SMC5: variants seen among roughly 807,000 people sequenced by gnomAD.
The protein encoded by SMC5 is structural maintenance of chromosomes 5, also known as structural maintenance of chromosomes protein 5.
In SMC5, 88 loss-of-function variants were observed where a neutral mutation model predicts 148.3. That is an observed-to-expected ratio of 0.59 (90% confidence interval 0.50 to 0.71). SMC5 has a LOEUF of 0.71. SMC5 is among the 30% of genes least tolerant of loss of function. SMC5 has a pLI of 0.00. For missense variants in SMC5, 1,142 were observed against 1,298.9 expected, an observed-to-expected ratio of 0.88 and a Z score of 1.86; for synonymous variants, 421 against 432.8, an observed-to-expected ratio of 0.97 and a Z score of 0.34.
chr9:70,330,674 C>T (rs2036196193), intron 17 of SMC5, among the ~76,000 whole-genome samples: 1 of 151,366 alleles, frequency 6.6e-6, no homozygotes, highest in Non-Finnish European at 1.5e-5. Flanking sequence ...TCCCAAGTAG[C>T]TGGGACTAGC....
chr9:70,277,020 A>T (rs2034612183), intron 3 of SMC5, among the ~76,000 whole-genome samples: 1 of 152,202 alleles, frequency 6.6e-6, no homozygotes, highest in South Asian at 2.1e-4. Flanking sequence ...AAACAACTCC[A>T]GCTATGTGAC....
At chr9:70,340,846 G>T (rs577175552) in intron 17 of SMC5, among the ~76,000 whole-genome samples, 1 of 152,068 alleles carries the variant, frequency 6.6e-6, no homozygotes, top group South Asian at 2.1e-4. Context: ...CATGAGAAGT[G>T]AACTTTCCAT....
chr9:70,318,783 A>C lies in SMC5; in HGVS notation c.1981-11A>C, dbSNP rs780721501. ...TTTTAAATATGTTAACAATTTTTAA[A>C]TATTTTATAGGAAATTCATAGAAAA... On this transcript the variant is annotated splice_polypyrimidine_tract_variant and intron_variant, in intron 14 of 24. Transcript: ENST00000361138. 6.4e-7 allele frequency: 1 copy of C among 1,552,096 alleles called. No individual in the cohort carries two copies. Among genetic ancestry groups the C allele is most frequent in the South Asian group, 1.2e-5 (1 of 80,638 alleles).
chr9:70,308,785 A>G (rs929531839), intron 11 of SMC5, among the ~76,000 whole-genome samples: 4 of 151,870 alleles, frequency 2.6e-5, no homozygotes, highest in African/African-American at 9.7e-5. Context: ...TCATAAATGG[A>G]TTTCTAAAAT....
In SMC5 at chr9:70,347,092, G is replaced by A; in HGVS notation, c.2595G>A (p.Leu865=). ...TTTTCCAAGACCTTCCAAACACATT[G>A]GATGAAATTGATGCTTTATTAACTG... ...PMVFQDLPNT[L]DEIDALLTEE... is the part of the protein sequence containing the mutation. The change falls in exon 20 of 25, where the codon TTG becomes TTA. Residue 865 remains leucine, a synonymous_variant. Coordinates refer to ENST00000361138, the MANE Select transcript of SMC5 (RefSeq NM_015110.4). 2 of 1,613,766 alleles carry A rather than the reference G, an allele frequency of 1.2e-6. No individual in the cohort carries two copies. The highest frequency in any genetic ancestry group is 2.2e-5 in the South Asian group (2 of 91,054).
chr9:70,347,227 A>G, intron 20 of SMC5, 66 bp downstream of exon 20: 1 of 1,297,622 alleles, frequency 7.7e-7, no homozygotes, highest in East Asian at 2.3e-5. Flanking sequence ...ATACACACAC[A>G]TACACACACA....
rs181336578 is a variant in SMC5 at position 70,327,541 on chromosome 9, G to A, written c.2397+3398G>A. Among the ~76,000 whole-genome samples the A allele has an allele frequency of 1.1e-4, 17 of 151,576 alleles. No individual in the cohort carries two copies. In the East Asian group the frequency reaches 2.9e-3, roughly 26 times the overall value. On this transcript the variant is annotated intron_variant, in intron 17 of 24. Transcript: ENST00000361138. ...ATGCTGAAATAAAATAATATTGGTC[G>A]CTTTGGAGGATACTGGGGAACTGGC...
Position 70,350,400 on chromosome 9 carries a change from A to G in SMC5, c.3094A>G (p.Arg1032Gly). 1 of 1,609,210 alleles carries G rather than the reference A, an allele frequency of 6.2e-7. No individual in the cohort carries two copies. Among genetic ancestry groups the G allele is most frequent in the Non-Finnish European group, 8.5e-7 (1 of 1,178,602 alleles). ...GGGAATGGACCCAATCAATGAACGG[A>G]GAGTGTTTGAAATGGTTGTAAATAC... ...NQGMDPINER[R>G]VFEMVVNTAC... is the part of the protein sequence containing the mutation. The change falls in exon 24 of 25, where the codon AGA becomes GGA. Residue 1032 changes from arginine (R) to glycine (G), a missense_variant. This residue lies in a region of SMC5 where 30 missense variants were observed against 65.3 expected (regional missense o/e 0.46). Coordinates refer to ENST00000361138, the MANE Select transcript of SMC5 (RefSeq NM_015110.4).
rs140740261 is a variant in SMC5 at position 70,288,983 on chromosome 9, T to C, written c.1053+2712T>C. Among the ~76,000 whole-genome samples the C allele has an allele frequency of 5.3e-3, 802 of 152,316 alleles. 9 individuals are homozygous for C. The highest frequency in any genetic ancestry group is 0.019 in the African/African-American group (776 of 41,572). On this transcript the variant is annotated intron_variant, in intron 8 of 24. Coordinates refer to ENST00000361138, the MANE Select transcript of SMC5 (RefSeq NM_015110.4). ...CGTTAGAATAGGCTTACTATAATTA[T>C]GTATACTCGTATGTTCTACTTTTTT...
intron 17 of SMC5, among the ~76,000 whole-genome samples, chr9:70,342,138 G>A (rs890059350): frequency 1.3e-5 from 2 of 150,632 alleles, no homozygotes; most frequent in African/African-American, 2.4e-5. Flanking sequence ...CTATCACAAG[G>A]ACAAAAAACC....
chr9:70,349,131 A>G (rs147378265), intron 22 of SMC5, among the ~76,000 whole-genome samples: 285 of 152,348 alleles, frequency 1.9e-3, no homozygotes, highest in African/African-American at 6.6e-3. Context: ...CAGTGGCGCA[A>G]TCTTGGCTCA....
At chr9:70,335,753 A>G (rs1023754948) in intron 17 of SMC5, among the ~76,000 whole-genome samples, 3 of 152,204 alleles carry the variant, frequency 2.0e-5, no homozygotes, top group African/African-American at 7.2e-5. Context: ...GTCAGAATTC[A>G]TCAAGTTGTC....
In SMC5 at chr9:70,280,833, G is replaced by T; in HGVS notation, c.753G>T (p.Glu251Asp). Residue 251 changes from glutamate to aspartate, a missense_variant, in exon 6 of 25, where the codon GAG (glutamate) becomes GAT (aspartate). Around this residue, in one of 5 missense-constraint regions of SMC5, gnomAD observed 297 missense variants for 302.6 expected, o/e 0.98. Coordinates refer to ENST00000361138, the MANE Select transcript of SMC5 (RefSeq NM_015110.4). ...QRNERYKQDV[E>D]RFYERKRHLD... is the part of the protein sequence containing the mutation. ...ATGAAAGATATAAACAAGATGTGGA[G>T]AGGTTCTATGAACGGAAGCGACATT... 1 of 1,613,972 alleles carries T rather than the reference G, an allele frequency of 6.2e-7. No homozygotes were observed. The highest frequency in any genetic ancestry group is 8.5e-7 in the Non-Finnish European group (1 of 1,179,946).
intron 11 of SMC5, among the ~76,000 whole-genome samples, chr9:70,305,696 T>C (rs547035386): frequency 6.6e-6 from 1 of 152,334 alleles, no homozygotes; most frequent in Admixed American, 6.5e-5. Context: ...GAAAATGTAT[T>C]GGAATGAACT....
intron 1 of SMC5, among the ~76,000 whole-genome samples, chr9:70,262,703 A>G (rs2034172597): frequency 6.6e-6 from 1 of 152,196 alleles, no homozygotes; most frequent in Non-Finnish European, 1.5e-5. Flanking sequence ...CAGCATGTAG[A>G]TAGTATGCAA....
At chr9:70,259,610 C>T (rs943007772) in intron 1 of SMC5, among the ~76,000 whole-genome samples, 2 of 152,098 alleles carry the variant, frequency 1.3e-5, no homozygotes, top group Admixed American at 6.5e-5. Flanking sequence ...AAGTATTGTC[C>T]CCGGGAACTT....
At chr9:70,325,263 A>G (rs954134535) in intron 17 of SMC5, among the ~76,000 whole-genome samples, 2 of 152,322 alleles carry the variant, frequency 1.3e-5, no homozygotes, top group Admixed American at 6.5e-5. Flanking sequence ...CTATTGCTCA[A>G]TTCCAAGAAC....
chr9:70,282,522 C>G lies in SMC5; in HGVS notation c.920C>G (p.Thr307Arg), dbSNP rs780998162. ...CTTAAAGAAGGGCAGATTCCTGTAA[C>G]ATGTCGAATTGAAGAAATGGAAAAC... ...RKLKEGQIPV[T>R]CRIEEMENER... Residue 307 changes from threonine to arginine, a missense_variant, in exon 7 of 25, where the codon ACA becomes AGA. Transcript: ENST00000361138. 1.9e-6 allele frequency: 3 copies of G among 1,599,988 alleles called. No homozygotes were observed. The highest frequency in any genetic ancestry group is 2.6e-6 in the Non-Finnish European group (3 of 1,175,168).
At chr9:70,264,715 T>C (rs927154461) in intron 2 of SMC5, among the ~76,000 whole-genome samples, 1 of 152,212 alleles carries the variant, frequency 6.6e-6, no homozygotes, top group Admixed American at 6.5e-5. Flanking sequence ...ACTTGGCTTG[T>C]GGAACAGTGA....
Sources: gnomAD v4.1 joint callset for allele counts (sites outside exome capture counted in the v4.1 genomes callset) on GRCh38, gnomAD v4.1.1 for gene constraint, gnomAD v4.1.1 regional missense constraint, MANE v1.5 for transcripts, NCBI Gene and HGNC (gene_info 2026-07-23, HGNC 2026-07-21) for gene names.